The following SLC24A5 variants were observed in gnomAD, a reference collection of about 807,000 sequenced individuals.
The protein encoded by SLC24A5 is solute carrier family 24 member 5.
A neutral mutation model predicts 51.6 loss-of-function variants in SLC24A5; 46 were observed. That is an observed-to-expected ratio of 0.89 (90% CI 0.70 to 1.14). SLC24A5 has a LOEUF of 1.14. SLC24A5 is among the 50% of genes most tolerant of loss of function. The probability of loss-of-function intolerance (pLI) is 0.00; values close to 1 mark genes in which losing one functional copy is unlikely to be tolerated. For synonymous variants in SLC24A5, 230 were observed against 214.9 expected (o/e 1.07, Z -0.62); for missense variants, 581 against 604.1 (o/e 0.96, Z 0.40).
At chr15:48,121,494 C>T (rs2038679263) in intron 1 of SLC24A5, among the ~76,000 whole-genome samples, 2 of 152,162 alleles carry the variant, frequency 1.3e-5, no homozygotes, top group Non-Finnish European at 2.9e-5. Context: ...ACAATTTAGG[C>T]TCTGCAATGA....
intron 2 of SLC24A5, among the ~76,000 whole-genome samples, chr15:48,134,032 G>A (rs2038833151): frequency 6.6e-6 from 1 of 152,066 alleles, no homozygotes; most frequent in African/African-American, 2.4e-5. Flanking sequence ...TGGCACTCAG[G>A]ATATTCCCTT....
chr15:48,139,747 A>G (rs892171422), intron 7 of SLC24A5: 1 of 152,166 alleles, frequency 6.6e-6, no homozygotes, highest in Admixed American at 6.5e-5. Flanking sequence ...ATAATCCACT[A>G]CAGTCCCTAA....
At chr15:48,129,470 G>C (rs1567222084) in intron 2 of SLC24A5, among the ~76,000 whole-genome samples, 1 of 152,108 alleles carries the variant, frequency 6.6e-6, no homozygotes, top group Non-Finnish European at 1.5e-5. Flanking sequence ...CTAGAGTTGG[G>C]TCTGATAGAC....
At chr15:48,135,139 T>C (rs565567305) in intron 5 of SLC24A5, 155 bp downstream of exon 5, 31 of 553,178 alleles carry the variant, frequency 5.6e-5, no homozygotes, top group African/African-American at 5.3e-4. Context: ...TCACAATTGC[T>C]GATTGAGTTC....
chr15:48,122,356 G>A (rs150119218), intron 2 of SLC24A5: 181 of 506,188 alleles, frequency 3.6e-4, no homozygotes, highest in African/African-American at 2.9e-3. Context: ...CTTTGTGTGC[G>A]CTCCTAATAC....
At chr15:48,135,115 G>C (rs538570737) in intron 5 of SLC24A5, 131 bp downstream of exon 5, 2 of 647,438 alleles carry the variant, frequency 3.1e-6, no homozygotes, top group Non-Finnish European at 5.4e-6. Context: ...CAACAGGTCT[G>C]TGAGTTAACC....
rs751441375 is a variant in SLC24A5, at chr15:48,134,396, A to ACT, written c.386-39_386-38insCT. 7 of 1,609,358 alleles carry ACT rather than the reference A, an allele frequency of 4.3e-6. No homozygotes were observed. The Admixed American group carries it at 1.0e-4, about 23-fold the overall frequency. Reference sequence around the variant, plus strand: ...ACTCAGTGTGATTTTTATTTTCTTCAAGTTAACACTAACTTAGCTGGTACT... The same window carrying ACT: ...ACTCAGTGTGATTTTTATTTTCTTCACTAGTTAACACTAACTTAGCTGGTACT... On this transcript the variant is annotated intron_variant, in intron 3 of 8. Coordinates refer to ENST00000341459, the MANE Select transcript of SLC24A5 (RefSeq NM_205850.3).
chr15:48,138,299 A>G (rs1410475898), intron 6 of SLC24A5: 2 of 151,984 alleles, frequency 1.3e-5, no homozygotes, highest in African/African-American at 4.8e-5. Context: ...TTTATCCAAT[A>G]TATTATCATT....
chr15:48,121,228 A>G lies in SLC24A5; in HGVS notation c.121+63A>G, dbSNP rs558066709. ...AGCTGCTGCTGCTGCTACCACATAC[A>G]GATGAAGGGACAAAAAGAGGAAAAT... On this transcript the variant is annotated intron_variant, in intron 1 of 8. Transcript: ENST00000341459. 86 of 1,508,326 alleles carry G rather than the reference A, an allele frequency of 5.7e-5. 1 individual carries two copies. The South Asian group carries it at 1.1e-3, about 19-fold the overall frequency. 93.4% of individuals were successfully genotyped at this position (1,508,326 alleles called of 1,614,324 possible).
chr15:48,129,298 T>A (rs2038764394), intron 2 of SLC24A5, among the ~76,000 whole-genome samples: 1 of 152,116 alleles, frequency 6.6e-6, no homozygotes, highest in Non-Finnish European at 1.5e-5. Flanking sequence ...CAGTAACTAT[T>A]TTTCCCCTCT....
chr15:48,139,365 T>A (rs1274200788), intron 7 of SLC24A5, 190 bp downstream of exon 7: 2 of 483,046 alleles, frequency 4.1e-6, no homozygotes, highest in Admixed American at 3.4e-5. Flanking sequence ...ATATTATATA[T>A]AAACTGTATT....
At chr15:48,138,822 A>G (rs1351058547) in intron 6 of SLC24A5, 147 bp from the exon 7 acceptor site, 2 of 606,614 alleles carry the variant, frequency 3.3e-6, no homozygotes, top group Non-Finnish European at 5.9e-6. Context: ...TTCACCAGCA[A>G]TATCAGTAAT....
At chr15:48,140,408 C>T (rs995986526) in intron 7 of SLC24A5, 1 of 151,936 alleles carries the variant, frequency 6.6e-6, no homozygotes, top group Non-Finnish European at 1.5e-5. Flanking sequence ...AGACGCTAAA[C>T]CAAGTTTTCA....
intron 2 of SLC24A5, among the ~76,000 whole-genome samples, chr15:48,130,325 C>G (rs897665616): frequency 6.6e-6 from 1 of 152,034 alleles, no homozygotes; most frequent in Non-Finnish European, 1.5e-5. Flanking sequence ...TTCTAAAGTT[C>G]AGAGGTATAA....
rs150642439 is a variant in SLC24A5 at position 48,125,988 on chromosome 15, T to C, written c.301+3952T>C. The stretch of plus-strand genomic sequence containing the variant: ...GGTGAAGACTAGAAGAGGCTCAGGA[T>C]TGTCATCTCCGTGCAGCGATGAGCT... On this transcript the variant is annotated intron_variant, in intron 2 of 8. Coordinates refer to ENST00000341459, the MANE Select transcript of SLC24A5 (RefSeq NM_205850.3). 2.0e-4 allele frequency among the ~76,000 whole-genome samples: 30 copies of C among 152,198 alleles called. No individual in the cohort carries two copies. The East Asian group carries it at 5.8e-3, about 30-fold the overall frequency.
At chr15:48,121,489 T>C (rs2038679117) in intron 1 of SLC24A5, among the ~76,000 whole-genome samples, 1 of 152,156 alleles carries the variant, frequency 6.6e-6, no homozygotes, top group Non-Finnish European at 1.5e-5. Flanking sequence ...TGTGAACAAT[T>C]TAGGCTCTGC....
rs568629077 is a variant in SLC24A5 at position 48,129,723 on chromosome 15, G to T, written c.302-4535G>T. Among the ~76,000 whole-genome samples, 16 of 151,414 alleles carry T rather than the reference G, an allele frequency of 1.1e-4. No individual in the cohort carries two copies. The East Asian group carries it at 3.1e-3, about 29-fold the overall frequency. The stretch of plus-strand genomic sequence containing the variant: ...TGGTAATGTAGACTTGGGGGTGGGG[G>T]GTAGGTATTATAAAAGAAATTTAAT... On this transcript the variant is annotated intron_variant, in intron 2 of 8. Transcript: ENST00000341459.
Position 48,122,035 on chromosome 15 carries a change from ATG to A in SLC24A5, c.301+1_301+2del, listed in dbSNP as rs1329817211. On this transcript the variant is annotated splice_donor_variant and coding_sequence_variant, in exon 2 of 9. Transcript: ENST00000341459. LOFTEE classifies it high-confidence loss of function. ...TACCCTCCCTGGAAATCATCAGTGA[ATG>A]TAAGTGGCTGGAAAGTTGCCCTGTA... The A allele has an allele frequency of 1.2e-6, 2 of 1,614,156 alleles. No homozygotes were observed. The highest frequency in any genetic ancestry group is 1.7e-6 in the Non-Finnish European group (2 of 1,180,000).
At chr15:48,138,667 G>T (rs2038962475) in intron 6 of SLC24A5, 2 of 249,816 alleles carry the variant, frequency 8.0e-6, no homozygotes, top group South Asian at 1.5e-4. Flanking sequence ...ATCCACAGGA[G>T]ATGTCCAATT....
Sources: gnomAD v4.1 joint callset for allele counts (sites outside exome capture counted in the v4.1 genomes callset) on GRCh38, gnomAD v4.1.1 for gene constraint, MANE v1.5 for transcripts, NCBI Gene and HGNC (gene_info 2026-07-23, HGNC 2026-07-21) for gene names.